Variants in ARHGAP10 observed in about 807,000 individuals in gnomAD.
ARHGAP10 encodes rho GTPase-activating protein 10.
Under a neutral mutation model 108.6 loss-of-function variants are expected in ARHGAP10, and 87 were observed. The ratio of observed to expected loss-of-function variants is 0.80; its 90% CI spans 0.67 to 0.96. The LOEUF (loss-of-function observed/expected upper bound fraction) is 0.96. ARHGAP10 is among the 40% of genes least tolerant of loss of function. The pLI is 0.00. For synonymous variants in ARHGAP10, 347 were observed against 341.1 expected (o/e 1.02, Z -0.19); for missense variants, 939 against 954.5 (o/e 0.98, Z 0.21).
In ARHGAP10 at chr4:147,737,849, A is replaced by G. The variant is rs190135775; in HGVS notation, c.154+5394A>G. On this transcript the variant is annotated intron_variant, in intron 1 of 22. Coordinates refer to ENST00000336498, the MANE Select transcript of ARHGAP10 (RefSeq NM_024605.4). ...TTTGACTCCATTTAGAGTTGTTCCTATTTAGAGCTTCCCACCAGGCCACCA... is the reference window on the plus strand; with the variant it reads ...TTTGACTCCATTTAGAGTTGTTCCTGTTTAGAGCTTCCCACCAGGCCACCA... Among the ~76,000 whole-genome samples the G allele has an allele frequency of 4.8e-3, 738 of 152,248 alleles. 7 individuals are homozygous for G. The highest frequency in any genetic ancestry group is 4.9e-3 in the Non-Finnish European group (331 of 68,020).
At chr4:148,010,594 A>G (rs976851021) in intron 18 of ARHGAP10, among the ~76,000 whole-genome samples, 1 of 152,154 alleles carries the variant, frequency 6.6e-6, no homozygotes, top group African/African-American at 2.4e-5. Context: ...GTTCCTTTAT[A>G]TCATAACCCT....
At chr4:147,873,047 G>A (rs530553462) in intron 7 of ARHGAP10, among the ~76,000 whole-genome samples, 3 of 152,296 alleles carry the variant, frequency 2.0e-5, no homozygotes, top group South Asian at 2.1e-4. Flanking sequence ...AGGCTGAACT[G>A]TATGTACATC....
At chr4:147,834,700 A>C (rs1733092410) in intron 3 of ARHGAP10, among the ~76,000 whole-genome samples, 1 of 146,220 alleles carries the variant, frequency 6.8e-6, no homozygotes, top group African/African-American at 2.7e-5. Flanking sequence ...TCACACCCAC[A>C]CCCATACACA....
At chr4:148,051,086 C>T (rs954077010) in intron 20 of ARHGAP10, among the ~76,000 whole-genome samples, 5 of 152,192 alleles carry the variant, frequency 3.3e-5, no homozygotes, top group East Asian at 3.9e-4. Context: ...TTACAGCAGC[C>T]GTGGTTCTGA....
At position 148,069,687 on chromosome 4, in the gene ARHGAP10, C is replaced by G. The variant is rs1039172395; in HGVS notation, c.2273-2306C>G. ...GCCTCCTCATAGCAGGTCCTGCAAG[C>G]TAAGTGCTAGTAACCCCGTATTGCA... On this transcript the variant is annotated intron_variant, in intron 22 of 22. Transcript: ENST00000336498. 2.0e-5 allele frequency among the ~76,000 whole-genome samples: 3 copies of G among 152,180 alleles called. No homozygotes were observed. In the East Asian group the frequency reaches 5.8e-4, roughly 29 times the overall value.
At chr4:147,821,158 G>C (rs930646757) in intron 1 of ARHGAP10, among the ~76,000 whole-genome samples, 5 of 152,134 alleles carry the variant, frequency 3.3e-5, no homozygotes, top group Non-Finnish European at 7.3e-5. Context: ...GCTTGTTCTC[G>C]TGAAGGACTG....
chr4:148,029,415 G>A (rs1728034394), intron 19 of ARHGAP10, among the ~76,000 whole-genome samples: 1 of 152,210 alleles, frequency 6.6e-6, no homozygotes, highest in South Asian at 2.1e-4. Flanking sequence ...TTATGAAAAT[G>A]TGCTTTCATA....
chr4:147,966,297 A>C (rs560343699), intron 17 of ARHGAP10, among the ~76,000 whole-genome samples: 1 of 152,260 alleles, frequency 6.6e-6, no homozygotes, highest in African/African-American at 2.4e-5. Context: ...TCAAAAATCC[A>C]GTATTCCCTG....
At position 148,047,009 on chromosome 4, in the gene ARHGAP10, T is replaced by C; in HGVS notation, c.1985T>C (p.Leu662Pro). 5 of 1,614,164 alleles carry C rather than the reference T, an allele frequency of 3.1e-6. No individual in the cohort carries two copies. The highest frequency in any genetic ancestry group is 4.2e-6 in the Non-Finnish European group (5 of 1,180,022). Reference protein sequence around the residue: ...PGPPGPDKNHLLADGGSFGDW... With the variant: ...PGPPGPDKNHPLADGGSFGDW... ...CCTCCTGGACCAGACAAAAACCACC[T>C]TCTGGCAGATGGAGGGAGCTTTGGA... is the stretch of plus-strand genomic sequence containing the variant. The change falls in exon 20 of 23, where the codon CTT becomes CCT. Residue 662 changes from leucine to proline, a missense_variant. Transcript: ENST00000336498.
At chr4:147,817,989 C>T (rs551430038) in intron 1 of ARHGAP10, among the ~76,000 whole-genome samples, 2 of 152,094 alleles carry the variant, frequency 1.3e-5, no homozygotes, top group Admixed American at 6.6e-5. Context: ...CTGGGAATAA[C>T]GTGAAATCTC....
chr4:147,783,044 A>T (rs1330597667), intron 1 of ARHGAP10, among the ~76,000 whole-genome samples: 1 of 141,936 alleles, frequency 7.0e-6, no homozygotes, highest in South Asian at 2.1e-4. Flanking sequence ...TAAATTATAT[A>T]CTATATGTTA....
chr4:147,985,951 G>C (rs1740029160), intron 18 of ARHGAP10, among the ~76,000 whole-genome samples: 1 of 150,894 alleles, frequency 6.6e-6, no homozygotes, highest in East Asian at 1.9e-4. Context: ...CATGGAGGCT[G>C]TTTGCCCACC....
chr4:147,799,996 C>A (rs1249814281), intron 1 of ARHGAP10, among the ~76,000 whole-genome samples: 1 of 152,188 alleles, frequency 6.6e-6, no homozygotes, highest in East Asian at 1.9e-4. Context: ...TCTTAGCACA[C>A]AGGTCCTGCC....
chr4:148,067,304 C>T (rs1053621779), intron 22 of ARHGAP10, among the ~76,000 whole-genome samples: 1 of 152,240 alleles, frequency 6.6e-6, no homozygotes, highest in Admixed American at 6.5e-5. Context: ...TGTGTGTTTG[C>T]ACCTTACATC....
intron 1 of ARHGAP10, among the ~76,000 whole-genome samples, chr4:147,807,992 A>G (rs1421137384): frequency 2.0e-5 from 3 of 152,188 alleles, no homozygotes; most frequent in African/African-American, 4.8e-5. Context: ...TAACGGGAAA[A>G]TGTGCTTTAT....
chr4:147,964,490 T>C (rs1428330936), intron 16 of ARHGAP10, among the ~76,000 whole-genome samples: 1 of 152,188 alleles, frequency 6.6e-6, no homozygotes, highest in Non-Finnish European at 1.5e-5. Context: ...TTCCTGACAG[T>C]CATTTTCATG....
intron 4 of ARHGAP10, among the ~76,000 whole-genome samples, chr4:147,855,004 C>T (rs1280051709): frequency 6.6e-6 from 1 of 152,200 alleles, no homozygotes; most frequent in Non-Finnish European, 1.5e-5. Flanking sequence ...AAAGCGTCAC[C>T]CCTTCCTCGG....
At chr4:147,803,181 G>A (rs1731649477) in intron 1 of ARHGAP10, among the ~76,000 whole-genome samples, 1 of 152,028 alleles carries the variant, frequency 6.6e-6, no homozygotes, top group African/African-American at 2.4e-5. Context: ...GCTGATTTTT[G>A]TAATTTTAGT....
chr4:148,004,429 C>T (rs1740859852), intron 18 of ARHGAP10, among the ~76,000 whole-genome samples: 1 of 152,174 alleles, frequency 6.6e-6, no homozygotes, highest in Non-Finnish European at 1.5e-5. Flanking sequence ...AAGATGACCT[C>T]CAGTGACCCA....
Sources: allele counts gnomAD v4.1 joint callset (sites outside exome capture counted in the v4.1 genomes callset), GRCh38; gene constraint gnomAD v4.1.1; transcripts MANE v1.5; gene names NCBI Gene and HGNC (gene_info 2026-07-23, HGNC 2026-07-21).